CSTF3: variants seen among roughly 807,000 people sequenced by gnomAD.
CSTF3 encodes the protein CF-1 77 kDa subunit.
A neutral mutation model predicts 105.8 loss-of-function variants in CSTF3; 29 were observed. That is an observed-to-expected ratio of 0.27 (90% CI 0.20 to 0.37). The LOEUF is 0.37. CSTF3 is among the 10% of genes least tolerant of loss of function. The pLI, the probability that CSTF3 is intolerant of heterozygous loss-of-function variation, is 1.00. For missense variants in CSTF3, 357 were observed against 879.3 expected, an observed-to-expected ratio of 0.41 and a Z score of 7.51; for synonymous variants, 252 against 281.9, an observed-to-expected ratio of 0.89 and a Z score of 1.06.
intron 5 of CSTF3, among the ~76,000 whole-genome samples, chr11:33,106,501 G>C (rs933731264): frequency 1.3e-5 from 2 of 152,158 alleles, no homozygotes; most frequent in Admixed American, 6.6e-5. Context: ...GGCTGAGGCA[G>C]GAGGATCATC....
chr11:33,127,325 TAAG>T (rs941923419), intron 3 of CSTF3, among the ~76,000 whole-genome samples: 6 of 152,186 alleles, frequency 3.9e-5, no homozygotes, highest in Middle Eastern at 3.2e-3. Flanking sequence ...ACATAATTAC[TAAG>T]AATACAGATA....
rs199516320 is a variant in CSTF3 at position 33,102,164 on chromosome 11, T to G, written c.826+13A>C. 6.2e-7 allele frequency: 1 copy of G among 1,611,726 alleles called. No homozygotes were observed. Among genetic ancestry groups the G allele is most frequent in the East Asian group, 2.2e-5 (1 of 44,854 alleles). On this transcript the variant is annotated intron_variant, in intron 10 of 20. Coordinates refer to ENST00000323959, the MANE Select transcript of CSTF3 (RefSeq NM_001326.3). Reference sequence around the variant, plus strand: ...ACATGTAACTGAAGTCCCATGAGGGTTAATCATGTTACCTCTTTTTGTTAT... The same window carrying G: ...ACATGTAACTGAAGTCCCATGAGGGGTAATCATGTTACCTCTTTTTGTTAT...
At chr11:33,153,152 T>A (rs1246101360) in intron 1 of CSTF3, among the ~76,000 whole-genome samples, 1 of 152,160 alleles carries the variant, frequency 6.6e-6, no homozygotes, top group East Asian at 1.9e-4. Context: ...CATTTTACAT[T>A]TTCATGATCT....
intron 3 of CSTF3, among the ~76,000 whole-genome samples, chr11:33,135,913 AGATTTCAT>A (rs1855648503): frequency 6.6e-6 from 1 of 152,136 alleles, no homozygotes; most frequent in Non-Finnish European, 1.5e-5. Context: ...AGAAGTATTT[AGATTTCAT>A]TTCAGAAAGA....
rs867318713 is a variant in CSTF3 at position 33,144,691 on chromosome 11, G to A, written c.28-2705C>T. 1.1e-4 allele frequency among the ~76,000 whole-genome samples: 16 copies of A among 152,246 alleles called. No homozygotes were observed. In the Middle Eastern group the frequency reaches 0.01, roughly 97 times the overall value. ...ACAAGACAGAACTAGAGCAGAATACGGTTAAATGTATTTCTGCATTGGAAA... is the reference window on the plus strand; with the variant it reads ...ACAAGACAGAACTAGAGCAGAATACAGTTAAATGTATTTCTGCATTGGAAA... On this transcript the variant is annotated intron_variant, in intron 1 of 20. Transcript: ENST00000323959.
intron 13 of CSTF3, among the ~76,000 whole-genome samples, chr11:33,097,817 C>A (rs141314398): frequency 3.8e-4 from 58 of 152,286 alleles, no homozygotes; most frequent in Non-Finnish European, 4.0e-4. Flanking sequence ...CATGAGTATG[C>A]AGTTTTGTTT....
intron 9 of CSTF3, among the ~76,000 whole-genome samples, chr11:33,102,746 C>T (rs1855292014): frequency 6.6e-6 from 1 of 152,104 alleles, no homozygotes; most frequent in South Asian, 2.1e-4. Flanking sequence ...AAGGTATGCA[C>T]ACAATCAAAA....
intron 1 of CSTF3, among the ~76,000 whole-genome samples, chr11:33,147,164 G>A (rs1038118545): frequency 6.6e-6 from 1 of 152,072 alleles, no homozygotes; most frequent in African/African-American, 2.4e-5. Flanking sequence ...AGGCGTGGTG[G>A]CAGGCACCTG....
intron 3 of CSTF3, among the ~76,000 whole-genome samples, chr11:33,118,609 CT>C (rs1420580505): frequency 6.6e-6 from 1 of 151,802 alleles, no homozygotes; most frequent in African/African-American, 2.4e-5. Flanking sequence ...GTCATCTCCC[CT>C]GTCTCTCCTC....
chr11:33,085,259 CCAGTAATGATCCTCA>C lies in CSTF3; in HGVS notation c.1967_1981del (p.Val656_Thr660del). The C allele has an allele frequency of 6.4e-7, 1 of 1,565,530 alleles. No homozygotes were observed. Among genetic ancestry groups the C allele is most frequent in the Non-Finnish European group, 8.6e-7 (1 of 1,159,346 alleles). Reference sequence around the variant, plus strand: ...TTCTACAGCTAGCTCTGGGGCCCCACCAGTAATGATCCTCACAGCTTCCTCAACAGCTATTAAAAC... The same window carrying C: ...TTCTACAGCTAGCTCTGGGGCCCCACCAGCTTCCTCAACAGCTATTAAAAC... On this transcript the variant is annotated inframe_deletion, in exon 21 of 21. Transcript: ENST00000323959.
rs773813920 is a variant in CSTF3 at position 33,090,516 on chromosome 11, G to A, written c.1641+16C>T. On this transcript the variant is annotated intron_variant, in intron 17 of 20. Coordinates refer to ENST00000323959, the MANE Select transcript of CSTF3 (RefSeq NM_001326.3). ...GAAAAGTGAGGACACTCCACATCTT[G>A]ATCCTAAGTACATACCTTATAACCA... 6.9e-7 allele frequency: 1 copy of A among 1,457,984 alleles called. No individual in the cohort carries two copies. Among genetic ancestry groups the A allele is most frequent in the Non-Finnish European group, 9.1e-7 (1 of 1,098,658 alleles). The allele number at this position is 1,457,984 out of a possible 1,614,324, so 90.3% of individuals were successfully genotyped here. A position where few individuals can be genotyped will look rare whatever the true frequency, so the allele number is the denominator to read the frequency against.
rs761264540 is a variant in CSTF3 at position 33,099,732 on chromosome 11, T to A, written c.827-15A>T. The A allele has an allele frequency of 6.9e-7, 1 of 1,447,460 alleles. No homozygotes were observed. The highest frequency in any genetic ancestry group is 9.5e-7 in the Non-Finnish European group (1 of 1,051,380). 89.7% of individuals were successfully genotyped at this position (1,447,460 alleles called of 1,614,324 possible). On this transcript the variant is annotated splice_polypyrimidine_tract_variant and intron_variant, in intron 10 of 20. Coordinates refer to ENST00000323959, the MANE Select transcript of CSTF3 (RefSeq NM_001326.3). This position sits in a 1 kb window ranked among gnomAD's most constrained non-coding sequence, Gnocchi z 4.1. Reference sequence around the variant, plus strand: ...AGCAAACATAACTAAGGGAAGAAATTAACAAACAATATTCAATTAAAATAA... The same window carrying A: ...AGCAAACATAACTAAGGGAAGAAATAAACAAACAATATTCAATTAAAATAA...
rs1178612620 is a variant in CSTF3 at position 33,161,435 on chromosome 11, G to A, written c.-110C>T. 1.0e-5 allele frequency: 12 copies of A among 1,168,764 alleles called. No homozygotes were observed. Among genetic ancestry groups the A allele is most frequent in the Non-Finnish European group, 1.5e-5 (12 of 799,300 alleles). 72.4% of individuals were successfully genotyped at this position (1,168,764 alleles called of 1,614,324 possible). A position where few individuals can be genotyped will look rare whatever the true frequency, so the allele number is the denominator to read the frequency against. Reference sequence around the variant, plus strand: ...GTAAAGTTACCCCCTGCCCAGCTGAGCCAGACCGCCAACACCAATCGCCAC... The same window carrying A: ...GTAAAGTTACCCCCTGCCCAGCTGAACCAGACCGCCAACACCAATCGCCAC... On this transcript the variant is annotated 5_prime_UTR_variant, in exon 1 of 21. Transcript: ENST00000323959.
intron 17 of CSTF3, among the ~76,000 whole-genome samples, chr11:33,089,604 G>A (rs1855145847): frequency 6.6e-6 from 1 of 152,164 alleles, no homozygotes; most frequent in South Asian, 2.1e-4. Flanking sequence ...TAATCCTATG[G>A]TTCATACCAG....
intron 1 of CSTF3, among the ~76,000 whole-genome samples, chr11:33,146,444 T>C (rs900625761): frequency 1.3e-5 from 2 of 151,874 alleles, no homozygotes; most frequent in Admixed American, 1.3e-4. Flanking sequence ...TCCCAGCTAC[T>C]CAAGAGGCTA....
Position 33,088,429 on chromosome 11 carries a change from C to T in CSTF3, c.1642-1288G>A, listed in dbSNP as rs1033947258. Among the ~76,000 whole-genome samples, 6 of 151,418 alleles carry T rather than the reference C, an allele frequency of 4.0e-5. No homozygotes were observed. In the East Asian group the frequency reaches 7.8e-4, roughly 20 times the overall value. ...CTGAGTAGCTGGGATTACAGATGCCCGCCACCAAGCCCGGCCAATTTTTGT... is the reference window on the plus strand; with the variant it reads ...CTGAGTAGCTGGGATTACAGATGCCTGCCACCAAGCCCGGCCAATTTTTGT... On this transcript the variant is annotated intron_variant, in intron 17 of 20. Coordinates refer to ENST00000323959, the MANE Select transcript of CSTF3 (RefSeq NM_001326.3).
chr11:33,161,168 A>C lies in CSTF3; in HGVS notation c.27+131T>G, dbSNP rs1221454507. ...TTAGATCTTGCTCCCCATTCCCACC[A>C]CTCTTCTATATACCCTGTCCCCCGG... On this transcript the variant is annotated intron_variant, in intron 1 of 20. Coordinates refer to ENST00000323959, the MANE Select transcript of CSTF3 (RefSeq NM_001326.3). The C allele has an allele frequency of 1.2e-4, 106 of 862,702 alleles. No individual in the cohort carries two copies. In the East Asian group the frequency reaches 2.6e-3, roughly 21 times the overall value. The allele number at this position is 862,702 out of a possible 1,614,324, so 53.4% of individuals were successfully genotyped here.
In CSTF3 at chr11:33,085,879, A is replaced by G. The variant is rs778490694; in HGVS notation, c.1890+16T>C. 5.1e-6 allele frequency: 8 copies of G among 1,582,020 alleles called. No homozygotes were observed. The highest frequency in any genetic ancestry group is 6.0e-6 in the Non-Finnish European group (7 of 1,164,646). ...CCCACAGAGCCAGTATCTACCATGA[A>G]AATAAGTGAACAAACCTGGAAACAG... On this transcript the variant is annotated intron_variant, in intron 19 of 20. Transcript: ENST00000323959.
intron 1 of CSTF3, among the ~76,000 whole-genome samples, chr11:33,159,922 T>C (rs1283627062): frequency 2.0e-5 from 3 of 152,098 alleles, no homozygotes; most frequent in Non-Finnish European, 2.9e-5. Context: ...GGAGAAATTA[T>C]TTTTCTATAA....
Sources: allele counts gnomAD v4.1 joint callset (sites outside exome capture counted in the v4.1 genomes callset), GRCh38; gene constraint gnomAD v4.1.1; non-coding constraint Gnocchi (gnomAD v3.1); transcripts MANE v1.5; gene names NCBI Gene and HGNC (gene_info 2026-07-23, HGNC 2026-07-21).